The following CEP126 variants were observed in gnomAD, a reference collection of about 807,000 sequenced individuals.
CEP126 encodes centrosomal protein 126, also known as centrosomal protein of 126 kDa.
CEP126 carries 74 observed loss-of-function variants against 107.8 expected under a neutral mutation model. The observed-to-expected ratio is 0.69, with a 90% CI of 0.57 to 0.83. The LOEUF is 0.83. Among genes scored for constraint, CEP126 ranks in the 40% least tolerant of loss-of-function variants. The probability of loss-of-function intolerance (pLI) is 0.00; values close to 1 mark genes in which losing one functional copy is unlikely to be tolerated. For missense variants in CEP126, 1,237 were observed against 1,281.9 expected, an observed-to-expected ratio of 0.96 and a Z score of 0.53; for synonymous variants, 449 against 446.0, an observed-to-expected ratio of 1.01 and a Z score of -0.08.
intron 1 of CEP126, 114 bp from the exon 2 acceptor site, chr11:101,922,527 A>G (rs887086324): frequency 6.9e-5 from 59 of 856,924 alleles, no homozygotes; most frequent in Non-Finnish European, 8.6e-5. Flanking sequence ...TAATTATTCC[A>G]CAAAAACTAT....
intron 5 of CEP126, among the ~76,000 whole-genome samples, chr11:101,961,403 T>C (rs1327671419): frequency 6.6e-6 from 1 of 152,094 alleles, no homozygotes; most frequent in Middle Eastern, 3.2e-3. Context: ...TTTCAGAATC[T>C]CACTTTCTAT....
intron 4 of CEP126, chr11:101,955,734 T>A (rs949949418): frequency 1.1e-5 from 4 of 364,844 alleles, no homozygotes; most frequent in Non-Finnish European, 2.2e-5. Flanking sequence ...CCAAAAAAAA[T>A]AATCTTAATA....
chr11:101,995,329 T>G (rs917059812), intron 10 of CEP126, among the ~76,000 whole-genome samples: 7 of 152,110 alleles, frequency 4.6e-5, no homozygotes, highest in African/African-American at 1.7e-4. Flanking sequence ...CACAAGTTAG[T>G]TCTATGTGAA....
At chr11:101,949,806 C>A (rs1214253654) in intron 4 of CEP126, among the ~76,000 whole-genome samples, 1 of 152,092 alleles carries the variant, frequency 6.6e-6, no homozygotes, top group Non-Finnish European at 1.5e-5. Context: ...ACCCCCAGAA[C>A]TGACACAAAG....
intron 4 of CEP126, 113 bp downstream of exon 4, chr11:101,948,255 T>G (rs1441604038): frequency 1.9e-6 from 1 of 525,676 alleles, no homozygotes; most frequent in Non-Finnish European, 3.3e-6. Flanking sequence ...TTAGAGTTTA[T>G]TCTTTTATTT....
In CEP126 at chr11:101,963,235, A is replaced by G. The variant is rs567370652; in HGVS notation, c.2200A>G (p.Ser734Gly). The G allele has an allele frequency of 9.3e-6, 15 of 1,614,042 alleles. No individual in the cohort carries two copies. The African/African-American group carries it at 1.6e-4, about 17-fold the overall frequency. ...HAWPASKKEESKIPVHDDSKT... is the reference protein window; with the variant it reads ...HAWPASKKEEGKIPVHDDSKT... Reference sequence around the variant, plus strand: ...CTGGCCAGCCTCAAAAAAAGAAGAAAGTAAAATCCCTGTACATGATGATTC... The same window carrying G: ...CTGGCCAGCCTCAAAAAAAGAAGAAGGTAAAATCCCTGTACATGATGATTC... The change falls in exon 6 of 11, where the codon AGT becomes GGT. Residue 734 changes from serine (S) to glycine (G), a missense_variant. Coordinates refer to ENST00000263468, the MANE Select transcript of CEP126 (RefSeq NM_020802.4).
At chr11:101,922,840 T>C (rs1940350927) in intron 2 of CEP126, 80 bp downstream of exon 2, 1 of 1,129,460 alleles carries the variant, frequency 8.9e-7, no homozygotes, top group Non-Finnish European at 1.3e-6. Flanking sequence ...TGTAGCACTT[T>C]ATGAAACTAA....
At chr11:101,924,606 C>T (rs1019836871) in intron 2 of CEP126, among the ~76,000 whole-genome samples, 5 of 152,206 alleles carry the variant, frequency 3.3e-5, no homozygotes, top group African/African-American at 1.2e-4. Flanking sequence ...GCTGGGATTA[C>T]AGGCACGCAC....
chr11:101,980,539 A>G (rs1182257874), intron 7 of CEP126, among the ~76,000 whole-genome samples: 1 of 152,142 alleles, frequency 6.6e-6, no homozygotes, highest in African/African-American at 2.4e-5. Context: ...TCACATACAG[A>G]TCTTCACCCA....
chr11:101,924,189 G>A (rs571410631), intron 2 of CEP126, among the ~76,000 whole-genome samples: 9 of 152,058 alleles, frequency 5.9e-5, no homozygotes, highest in Admixed American at 2.6e-4. Context: ...TTTATTTTCC[G>A]TTACCCTAAA....
intron 1 of CEP126, among the ~76,000 whole-genome samples, chr11:101,922,420 C>A (rs924941730): frequency 6.6e-6 from 1 of 152,054 alleles, no homozygotes; most frequent in Non-Finnish European, 1.5e-5. Flanking sequence ...GCCTCAGCCT[C>A]CTAAAGTGAT....
chr11:101,977,794 G>T (rs1253655538), intron 6 of CEP126, among the ~76,000 whole-genome samples: 1 of 151,978 alleles, frequency 6.6e-6, no homozygotes, highest in African/African-American at 2.4e-5. Flanking sequence ...TATAAGATAC[G>T]CATAAATTCA....
intron 4 of CEP126, among the ~76,000 whole-genome samples, chr11:101,953,991 T>C (rs1940849572): frequency 6.6e-6 from 1 of 151,638 alleles, no homozygotes; most frequent in African/African-American, 2.4e-5. Context: ...TCAGTTGTTA[T>C]ACTTTATGTT....
intron 1 of CEP126, among the ~76,000 whole-genome samples, chr11:101,917,692 T>C (rs1028538559): frequency 2.6e-5 from 4 of 151,928 alleles, no homozygotes; most frequent in Non-Finnish European, 5.9e-5. Context: ...ACCCTCCCAT[T>C]TTATCCTAGC....
chr11:101,983,389 T>TA (rs75371199), intron 8 of CEP126, among the ~76,000 whole-genome samples: 10,730 of 152,150 alleles, frequency 0.071, 573 homozygotes, highest in East Asian at 0.27. Flanking sequence ...ATGCAAAACA[T>TA]TAAACACTGC....
intron 1 of CEP126, among the ~76,000 whole-genome samples, chr11:101,921,921 G>A (rs1318375967): frequency 6.7e-6 from 1 of 148,826 alleles, no homozygotes; most frequent in Non-Finnish European, 1.5e-5. Flanking sequence ...GAGTAGTTGA[G>A]ATTACAGGTA....
intron 8 of CEP126, among the ~76,000 whole-genome samples, chr11:101,983,454 A>G (rs1034566017): frequency 1.3e-5 from 2 of 152,256 alleles, no homozygotes; most frequent in African/African-American, 4.8e-5. Flanking sequence ...GCATGAGCAC[A>G]TGCCACTTAA....
Position 101,961,976 on chromosome 11 carries a change from C to A in CEP126, c.941C>A (p.Thr314Lys). ...SKTQHINNWL[T>K]NLDASNTQNV... is the part of the protein sequence containing the mutation. ...ACTCAACATATAAATAATTGGCTTA[C>A]AAATTTAGATGCTTCAAATACTCAG... The change falls in exon 6 of 11, where the codon ACA (threonine) becomes AAA (lysine). Residue 314 changes from threonine to lysine, a missense_variant. Transcript: ENST00000263468. 6.2e-7 allele frequency: 1 copy of A among 1,610,944 alleles called. No homozygotes were observed. The highest frequency in any genetic ancestry group is 1.1e-5 in the South Asian group (1 of 90,380).
chr11:101,923,383 G>A (rs1940360943), intron 2 of CEP126, among the ~76,000 whole-genome samples: 2 of 152,202 alleles, frequency 1.3e-5, no homozygotes, highest in Admixed American at 6.5e-5. Context: ...ACATTTTTCA[G>A]GATGTTTTTT....
Sources: gnomAD v4.1 joint callset for allele counts (sites outside exome capture counted in the v4.1 genomes callset) on GRCh38, gnomAD v4.1.1 for gene constraint, MANE v1.5 for transcripts, NCBI Gene and HGNC (gene_info 2026-07-23, HGNC 2026-07-21) for gene names.